The following ADCY9 variants were observed in gnomAD, a reference collection of about 807,000 sequenced individuals.
ADCY9 encodes the protein adenylate cyclase type 9.
A neutral mutation model predicts 101.5 loss-of-function variants in ADCY9; 50 were observed. The ratio of observed to expected loss-of-function variants is 0.49; its 90% CI spans 0.39 to 0.62. ADCY9 has a LOEUF of 0.62. ADCY9 is among the 20% of genes least tolerant of loss of function. The pLI, the probability that ADCY9 is intolerant of heterozygous loss-of-function variation, is 0.00. For synonymous variants in ADCY9, 905 were observed against 769.3 expected, an observed-to-expected ratio of 1.18 and a Z score of -2.92; for missense variants, 1,662 against 1,800.4, an observed-to-expected ratio of 0.92 and a Z score of 1.39.
At chr16:3,999,867 T>C (rs867014438) in intron 3 of ADCY9, among the ~76,000 whole-genome samples, 6 of 152,224 alleles carry the variant, frequency 3.9e-5, no homozygotes, top group Middle Eastern at 3.2e-3. Context: ...TCAAAATATA[T>C]GGCACAAAGC....
intron 2 of ADCY9, among the ~76,000 whole-genome samples, chr16:4,049,974 T>G (rs1597191984): frequency 6.8e-6 from 1 of 146,238 alleles, no homozygotes; most frequent in African/African-American, 2.5e-5. Context: ...GTGGCTGCAG[T>G]GAGCCGAGAT....
chr16:4,106,247 T>C (rs1443404511), intron 2 of ADCY9, among the ~76,000 whole-genome samples: 1 of 152,180 alleles, frequency 6.6e-6, no homozygotes, highest in African/African-American at 2.4e-5. Flanking sequence ...CGGGTTGGCT[T>C]GGCTGGTGTG....
In ADCY9 at chr16:4,115,482, G is replaced by C. The variant is rs775777563; in HGVS notation, c.-40C>G. ...GGGCCTGCCCCGGCCGGGGTCACCA[G>C]TACCTGCCAGCAAAACGGGGAGAGT... On this transcript the variant is annotated 5_prime_UTR_variant, in exon 2 of 11. Transcript: ENST00000294016. The surrounding 1 kb of genome is among the most constrained non-coding windows in gnomAD (Gnocchi z 6.2). The C allele has an allele frequency of 8.1e-6, 12 of 1,481,610 alleles. No individual in the cohort carries two copies. Among genetic ancestry groups the C allele is most frequent in the African/African-American group, 5.6e-5 (4 of 71,024 alleles). 91.8% of individuals were successfully genotyped at this position (1,481,610 alleles called of 1,614,324 possible). A position where few individuals can be genotyped will look rare whatever the true frequency, so the allele number is the denominator to read the frequency against.
In ADCY9 at chr16:4,000,942, C is replaced by T. The variant is rs559831087; in HGVS notation, c.1884+6426G>A. Reference sequence around the variant, plus strand: ...TCTGGCAATGCCAGTTCAATGATTCCGCACATACATTTCCATCCCTCTCTC... The same window carrying T: ...TCTGGCAATGCCAGTTCAATGATTCTGCACATACATTTCCATCCCTCTCTC... On this transcript the variant is annotated intron_variant, in intron 3 of 10. Transcript: ENST00000294016. Among the ~76,000 whole-genome samples, 42 of 145,848 alleles carry T rather than the reference C, an allele frequency of 2.9e-4. No homozygotes were observed. The East Asian group carries it at 6.8e-3, about 24-fold the overall frequency.
chr16:4,091,816 G>A (rs2056975465), intron 2 of ADCY9, among the ~76,000 whole-genome samples: 1 of 152,208 alleles, frequency 6.6e-6, no homozygotes, highest in Non-Finnish European at 1.5e-5. Context: ...TTGGGAGCTG[G>A]GAAGTGGCTG....
At chr16:3,995,391 G>A (rs2056278824) in intron 3 of ADCY9, among the ~76,000 whole-genome samples, 1 of 152,188 alleles carries the variant, frequency 6.6e-6, no homozygotes, top group African/African-American at 2.4e-5. Flanking sequence ...TGGTGCCACT[G>A]CACTCCAGCC....
intron 2 of ADCY9, among the ~76,000 whole-genome samples, chr16:4,043,101 G>C (rs1324716357): frequency 6.6e-6 from 1 of 151,944 alleles, no homozygotes; most frequent in Admixed American, 6.6e-5. Flanking sequence ...CGTGGTGGCG[G>C]GCGACTGAAG....
At chr16:4,042,031 C>T (rs866760669) in intron 2 of ADCY9, among the ~76,000 whole-genome samples, 3 of 147,438 alleles carry the variant, frequency 2.0e-5, no homozygotes, top group Admixed American at 7.1e-5. Context: ...TCAAGCAGAT[C>T]TCCTGCCTCA....
chr16:4,090,824 A>G (rs1185294009), intron 2 of ADCY9, among the ~76,000 whole-genome samples: 1 of 151,822 alleles, frequency 6.6e-6, no homozygotes. Flanking sequence ...ATTTGAAGGG[A>G]ACAGCCAAAA....
intron 6 of ADCY9, among the ~76,000 whole-genome samples, chr16:3,988,315 A>G (rs2056212039): frequency 6.6e-6 from 1 of 151,818 alleles, no homozygotes. Flanking sequence ...AGAGAGGTGA[A>G]GGCCTCCTGG....
Position 4,114,075 on chromosome 16 carries a change from G to A in ADCY9, c.1368C>T (p.Ala456=), listed in dbSNP as rs770287770. The A allele has an allele frequency of 4.3e-6, 7 of 1,613,802 alleles. No homozygotes were observed. The highest frequency in any genetic ancestry group is 5.9e-6 in the Non-Finnish European group (7 of 1,180,042). Residue 456 remains alanine (A), a synonymous_variant, in exon 2 of 11, where the codon GCC becomes GCT. Transcript: ENST00000294016. The surrounding 1 kb of genome is among the most constrained non-coding windows in gnomAD (Gnocchi z 4.3). The stretch of plus-strand genomic sequence containing the variant: ...TCTCGATGCAGCAGTAGGCATGGTC[G>A]GCCCGGGGCTCGGGACAGCCCGCCA... The part of the protein sequence containing the change: ...YCVAGCPEPR[A]DHAYCCIEMG...
intron 6 of ADCY9, chr16:3,984,030 A>C (rs2056169551): frequency 6.5e-6 from 1 of 152,876 alleles, no homozygotes. Flanking sequence ...TTGAAGCCGC[A>C]GTGAACTATG....
chr16:4,114,852 A>C lies in ADCY9; in HGVS notation c.591T>G (p.Pro197=). ...TLAAQFQVLT[P]VSGRGDSSNL... ...TGGAGCTGTCGCCGCGTCCTGAGAC[A>C]GGCGTCAAGACCTGGAACTGCGCAG... The change falls in exon 2 of 11, where the codon CCT becomes CCG. Residue 197 remains proline (P), a synonymous_variant. Coordinates refer to ENST00000294016, the MANE Select transcript of ADCY9 (RefSeq NM_001116.4). The surrounding 1 kb of genome is among the most constrained non-coding windows in gnomAD (Gnocchi z 4.3). 3 of 1,613,634 alleles carry C rather than the reference A, an allele frequency of 1.9e-6. No individual in the cohort carries two copies. Among genetic ancestry groups the C allele is most frequent in the Non-Finnish European group, 2.5e-6 (3 of 1,180,034 alleles).
At chr16:4,029,501 C>G (rs1176053020) in intron 2 of ADCY9, among the ~76,000 whole-genome samples, 1 of 152,200 alleles carries the variant, frequency 6.6e-6, no homozygotes, top group East Asian at 1.9e-4. Context: ...AATCTCAGCA[C>G]TTTAGGAGGC....
At position 4,097,551 on chromosome 16, in the gene ADCY9, A is replaced by ATTTT. The variant is rs1385822000; in HGVS notation, c.1693+16198_1693+16199insAAAA. ...TACATATATATATATATATATATAT[A>ATTTT]TATTTTTTTTTTTTTTTTTTAAGAC... On this transcript the variant is annotated intron_variant, in intron 2 of 10. Coordinates refer to ENST00000294016, the MANE Select transcript of ADCY9 (RefSeq NM_001116.4). Among the ~76,000 whole-genome samples the ATTTT allele has an allele frequency of 4.0e-3, 202 of 51,012 alleles. 3 individuals carry two copies. The highest frequency in any genetic ancestry group is 0.014 in the South Asian group (19 of 1,336). The allele number at this position is 51,012 out of a possible 152,430, so 33.5% of individuals were successfully genotyped here. A position where few individuals can be genotyped will look rare whatever the true frequency, so the allele number is the denominator to read the frequency against.
chr16:3,980,912 G>T (rs2056136101), intron 7 of ADCY9, among the ~76,000 whole-genome samples: 1 of 152,214 alleles, frequency 6.6e-6, no homozygotes, highest in Non-Finnish European at 1.5e-5. Context: ...TGCTGGGGCA[G>T]AGCAGAGAGG....
In ADCY9 at chr16:4,113,760, G is replaced by C; in HGVS notation, c.1683C>G (p.Asp561Glu). ...AAGCAGTGCACATACCTTTCAACTG[G>C]TCAGCAACCACGCTCTGGCCCAGCC... ...IERLGQSVVA[D>E]QLKGLKTYLI... The change falls in exon 2 of 11, where the codon GAC (aspartate) becomes GAG (glutamate). Residue 561 changes from aspartate to glutamate, a missense_variant. Around this residue, in one of 5 missense-constraint regions of ADCY9, gnomAD observed 624 missense variants for 639.1 expected, o/e 0.98. Coordinates refer to ENST00000294016, the MANE Select transcript of ADCY9 (RefSeq NM_001116.4). 6.2e-7 allele frequency: 1 copy of C among 1,612,446 alleles called. No homozygotes were observed. Among genetic ancestry groups the C allele is most frequent in the Non-Finnish European group, 8.5e-7 (1 of 1,178,810 alleles).
intron 8 of ADCY9, 144 bp downstream of exon 8, chr16:3,978,972 C>T (rs1427956866): frequency 1.9e-6 from 2 of 1,037,682 alleles, no homozygotes; most frequent in Non-Finnish European, 2.8e-6. Flanking sequence ...ACCTCCACCT[C>T]CCACAGTGCT....
intron 3 of ADCY9, among the ~76,000 whole-genome samples, chr16:3,998,973 G>A (rs962738267): frequency 6.6e-6 from 1 of 151,682 alleles, no homozygotes; most frequent in African/African-American, 2.4e-5. Flanking sequence ...TTTTCCTTGA[G>A]CGATTCATTA....
Sources: gnomAD v4.1 joint callset for allele counts (sites outside exome capture counted in the v4.1 genomes callset) on GRCh38, gnomAD v4.1.1 for gene constraint, gnomAD v4.1.1 regional missense constraint, Gnocchi (gnomAD v3.1) non-coding constraint, MANE v1.5 for transcripts, NCBI Gene and HGNC (gene_info 2026-07-23, HGNC 2026-07-21) for gene names.